The following FAT4 variants were observed in gnomAD, a reference collection of about 807,000 sequenced individuals.
FAT4 encodes FAT atypical cadherin 4, also known as protocadherin Fat 4.
In FAT4, 84 loss-of-function variants were observed where a neutral mutation model predicts 303.9. The observed-to-expected ratio is 0.28, with a 90% CI of 0.23 to 0.33. The LOEUF is 0.33. Among genes scored for constraint, FAT4 ranks in the 10% least tolerant of loss-of-function variants. The pLI is 1.00. For synonymous variants in FAT4, 2,307 were observed against 2,298.8 expected (o/e 1.00, Z -0.10); for missense variants, 6,005 against 6,146.8 (o/e 0.98, Z 0.77).
intron 2 of FAT4, among the ~76,000 whole-genome samples, chr4:125,394,578 A>G (rs910901690): frequency 1.3e-5 from 2 of 152,222 alleles, no homozygotes; most frequent in African/African-American, 4.8e-5. Flanking sequence ...GTATAGAAAT[A>G]AAAGGGTTTT....
chr4:125,409,281 A>G (rs1489571740), intron 5 of FAT4, among the ~76,000 whole-genome samples: 1 of 150,058 alleles, frequency 6.7e-6, no homozygotes, highest in Admixed American at 6.6e-5. Flanking sequence ...TTTGAGACAG[A>G]GTTTCACTCT....
At chr4:125,357,401 G>A (rs1348549332) in intron 2 of FAT4, among the ~76,000 whole-genome samples, 1 of 152,066 alleles carries the variant, frequency 6.6e-6, no homozygotes, top group African/African-American at 2.4e-5. Context: ...CTAAAGATAA[G>A]ATTTGGGATA....
intron 11 of FAT4, among the ~76,000 whole-genome samples, chr4:125,466,985 G>A (rs1353113082): frequency 1.3e-5 from 2 of 152,002 alleles, no homozygotes; most frequent in African/African-American, 2.4e-5. Context: ...CACCGTGTTA[G>A]CCAGGATGGT....
chr4:125,434,535 C>CTCT lies in FAT4; in HGVS notation c.7199+115_7199+117dup. On this transcript the variant is annotated intron_variant, in intron 8 of 17. Coordinates refer to ENST00000394329, the MANE Select transcript of FAT4 (RefSeq NM_001291303.3). ...AATGAACGTCATATTAACACATATCCTCTTCTTGTTATCCATTGCTGATAG... is the reference window on the plus strand; with the variant it reads ...AATGAACGTCATATTAACACATATCCTCTTCTTCTTGTTATCCATTGCTGATAG... The CTCT allele has an allele frequency of 4.4e-6, 4 of 901,048 alleles. No homozygotes were observed. The South Asian group carries it at 6.7e-5, about 15-fold the overall frequency. 55.8% of individuals were successfully genotyped at this position (901,048 alleles called of 1,614,324 possible).
rs143382986 is a variant in FAT4, at chr4:125,345,187, T to C, written c.5175+23601T>C. On this transcript the variant is annotated intron_variant, in intron 2 of 17. Transcript: ENST00000394329. The stretch of plus-strand genomic sequence containing the variant: ...ATTGGTGAGCAGATGAATATCCAGG[T>C]GCTTCCTGGAGGAAAAGTGAATGGA... 5.9e-5 allele frequency among the ~76,000 whole-genome samples: 9 copies of C among 152,240 alleles called. No homozygotes were observed. The East Asian group carries it at 1.7e-3, about 29-fold the overall frequency.
Position 125,316,837 on chromosome 4 carries a change from C to A in FAT4, c.426C>A (p.Val142=). Residue 142 remains valine, a synonymous_variant, in exon 2 of 18, where the codon GTC becomes GTA. Transcript: ENST00000394329. The surrounding 1 kb of genome is among the most constrained non-coding windows in gnomAD (Gnocchi z 5.7). ...APVFPDPSIV[V]TFKEDSSSGR... ...TTTTCCCGGACCCCTCTATCGTGGT[C>A]ACTTTCAAGGAAGACAGTAGCAGCG... The A allele has an allele frequency of 6.2e-7, 1 of 1,614,004 alleles. No homozygotes were observed. Among genetic ancestry groups the A allele is most frequent in the Non-Finnish European group, 8.5e-7 (1 of 1,179,996 alleles).
At chr4:125,334,085 G>T (rs1379487349) in intron 2 of FAT4, among the ~76,000 whole-genome samples, 1 of 152,056 alleles carries the variant, frequency 6.6e-6, no homozygotes, top group Non-Finnish European at 1.5e-5. Flanking sequence ...AGGAGTCCCA[G>T]ATTAGAATTT....
intron 7 of FAT4, among the ~76,000 whole-genome samples, chr4:125,432,125 T>C (rs7677254): frequency 0.43 from 66,137 of 152,066 alleles, 14,569 homozygotes; most frequent in Non-Finnish European, 0.46. Context: ...CTTCACCTCC[T>C]GCCTGGTGCT....
At chr4:125,439,360 T>G (rs1725568353) in intron 8 of FAT4, among the ~76,000 whole-genome samples, 1 of 149,182 alleles carries the variant, frequency 6.7e-6, no homozygotes, top group Non-Finnish European at 1.5e-5. Flanking sequence ...TGAGATGGAG[T>G]CTCGCTCTGT....
intron 17 of FAT4, among the ~76,000 whole-genome samples, chr4:125,489,556 T>G (rs536014282): frequency 6.6e-6 from 1 of 152,240 alleles, no homozygotes; most frequent in East Asian, 1.9e-4. Flanking sequence ...TGTATGCAAT[T>G]TTTGGTATAT....
In FAT4 at chr4:125,461,324, A is replaced by G. The variant is rs566436375; in HGVS notation, c.11801-2239A>G. Among the ~76,000 whole-genome samples, 20 of 152,208 alleles carry G rather than the reference A, an allele frequency of 1.3e-4. 1 individual carries two copies. The highest frequency in any genetic ancestry group is 4.3e-4 in the African/African-American group (18 of 41,574). On this transcript the variant is annotated intron_variant, in intron 10 of 17. Transcript: ENST00000394329. ...AGATTTATAAAGGTAGTATTTGTAA[A>G]TGAAATTCAAAAAACATATAGTAGC...
Position 125,398,927 on chromosome 4 carries a change from A to C in FAT4, c.5307+12A>C, listed in dbSNP as rs1158316306. 6.2e-7 allele frequency: 1 copy of C among 1,612,264 alleles called. No individual in the cohort carries two copies. The highest frequency in any genetic ancestry group is 1.3e-5 in the African/African-American group (1 of 74,858). ...TGGATGCTGATGAGGTAGCTCAAGC[A>C]TGTCTCTGAATTTGTGAAACTTCGT... On this transcript the variant is annotated intron_variant, in intron 3 of 17. Transcript: ENST00000394329.
At chr4:125,399,402 G>C (rs918920814) in intron 3 of FAT4, among the ~76,000 whole-genome samples, 4 of 151,714 alleles carry the variant, frequency 2.6e-5, no homozygotes, top group Non-Finnish European at 5.9e-5. Flanking sequence ...CAAATACTTT[G>C]TGATTTGTAT....
At chr4:125,476,492 G>A (rs1368457725) in intron 13 of FAT4, among the ~76,000 whole-genome samples, 2 of 152,060 alleles carry the variant, frequency 1.3e-5, no homozygotes, top group Non-Finnish European at 2.9e-5. Flanking sequence ...ATTAAATATA[G>A]CCAGTAGTCT....
chr4:125,345,010 A>C (rs966495016), intron 2 of FAT4, among the ~76,000 whole-genome samples: 3 of 152,120 alleles, frequency 2.0e-5, no homozygotes, highest in Middle Eastern at 3.2e-3. Flanking sequence ...TTATTTGCAG[A>C]TTATTTCTGT....
At position 125,415,287 on chromosome 4, in the gene FAT4, C is replaced by G. The variant is rs140302868; in HGVS notation, c.6324C>G (p.Leu2108=). The G allele has an allele frequency of 1.2e-5, 19 of 1,614,052 alleles. No individual in the cohort carries two copies. The African/African-American group carries it at 1.7e-4, about 15-fold the overall frequency. The change falls in exon 6 of 18, where the codon CTC becomes CTG. Residue 2108 remains leucine (L), a synonymous_variant. Transcript: ENST00000394329. ...GGACCATTGATGGTGAAGTGAGGCT[C>G]ACTGGAGAACTGGACAGAGAAGAAG... ...SIGTIDGEVR[L]TGELDREEVS...
At chr4:125,323,834 T>A (rs1028391462) in intron 2 of FAT4, among the ~76,000 whole-genome samples, 7 of 152,196 alleles carry the variant, frequency 4.6e-5, no homozygotes, top group African/African-American at 1.7e-4. Flanking sequence ...CAGCGCATTT[T>A]AAAAAATTAT....
intron 2 of FAT4, among the ~76,000 whole-genome samples, chr4:125,393,662 A>G (rs903408703): frequency 2.0e-5 from 3 of 152,236 alleles, no homozygotes; most frequent in African/African-American, 7.2e-5. Context: ...TAGTTTTAAA[A>G]TATCCATTTG....
At chr4:125,355,626 TAC>T (rs1732395269) in intron 2 of FAT4, among the ~76,000 whole-genome samples, 1 of 152,058 alleles carries the variant, frequency 6.6e-6, no homozygotes, top group African/African-American at 2.4e-5. Flanking sequence ...TTATGCATGG[TAC>T]ACATGCCTTT....
Sources: allele counts gnomAD v4.1 joint callset (sites outside exome capture counted in the v4.1 genomes callset), GRCh38; gene constraint gnomAD v4.1.1; non-coding constraint Gnocchi (gnomAD v3.1); transcripts MANE v1.5; gene names NCBI Gene and HGNC (gene_info 2026-07-23, HGNC 2026-07-21).